ZNF143: variants seen among roughly 807,000 people sequenced by gnomAD.
The protein encoded by ZNF143 is SPH-binding factor.
In ZNF143, 49 loss-of-function variants were observed where a neutral mutation model predicts 74.1. The ratio of observed to expected loss-of-function variants is 0.66; its 90% CI spans 0.53 to 0.84. The LOEUF (loss-of-function observed/expected upper bound fraction) is 0.84, where lower values mean the gene tolerates loss of function less well. Ranked by LOEUF, ZNF143 falls within the 40% of genes least tolerant of loss-of-function variation. The pLI, the probability that ZNF143 is intolerant of heterozygous loss-of-function variation, is 0.00. For synonymous variants in ZNF143, 304 were observed against 282.8 expected (o/e 1.07, Z -0.75); for missense variants, 637 against 793.4 (o/e 0.80, Z 2.37).
intron 11 of ZNF143, among the ~76,000 whole-genome samples, chr11:9,503,202 G>A (rs969117405): frequency 1.3e-5 from 2 of 151,852 alleles, no homozygotes; most frequent in Non-Finnish European, 2.9e-5. Flanking sequence ...TAACTGAATA[G>A]TATTTCATTA....
chr11:9,508,986 G>A (rs914335683), intron 12 of ZNF143, 140 bp downstream of exon 12: 1 of 929,018 alleles, frequency 1.1e-6, no homozygotes, highest in African/African-American at 1.7e-5. Flanking sequence ...GCTGCAGTAA[G>A]TGCTATTGAA....
chr11:9,503,111 A>G (rs1848227779), intron 11 of ZNF143, among the ~76,000 whole-genome samples: 2 of 152,164 alleles, frequency 1.3e-5, no homozygotes, highest in Admixed American at 6.6e-5. Flanking sequence ...GATTACAGAC[A>G]TGAGCCACCG....
At chr11:9,510,044 C>A (rs1589932901) in intron 12 of ZNF143, among the ~76,000 whole-genome samples, 1 of 151,872 alleles carries the variant, frequency 6.6e-6, no homozygotes, top group Non-Finnish European at 1.5e-5. Flanking sequence ...CTTAAGTTTG[C>A]AAGACTCTTT....
intron 8 of ZNF143, among the ~76,000 whole-genome samples, chr11:9,495,494 A>G (rs889488916): frequency 2.0e-5 from 3 of 152,360 alleles, no homozygotes; most frequent in South Asian, 2.1e-4. Flanking sequence ...ACTTGCTGCT[A>G]TACATAACAG....
intron 14 of ZNF143, among the ~76,000 whole-genome samples, chr11:9,518,247 G>A (rs1485258449): frequency 6.6e-6 from 1 of 152,064 alleles, no homozygotes; most frequent in Non-Finnish European, 1.5e-5. Flanking sequence ...TAAAATCAAA[G>A]ACTAACAAAA....
chr11:9,517,304 GT>G lies in ZNF143; in HGVS notation c.1686+952del, dbSNP rs768984033. Among the ~76,000 whole-genome samples the G allele has an allele frequency of 3.5e-4, 52 of 146,526 alleles. No homozygotes were observed. In the East Asian group the frequency reaches 4.8e-3, roughly 13 times the overall value. On this transcript the variant is annotated intron_variant, in intron 14 of 15. Transcript: ENST00000396602. ...ATTATATAGAGAACTTCCTCATTCT[GT>G]TTTTTTTTTAAGCTGCATTGTATTC...
chr11:9,474,769 T>A, intron 5 of ZNF143, 136 bp downstream of exon 5: 1 of 957,296 alleles, frequency 1.0e-6, no homozygotes, highest in Admixed American at 2.6e-5. Flanking sequence ...GGTGGCAGAT[T>A]TAAGCATGAT....
intron 7 of ZNF143, among the ~76,000 whole-genome samples, chr11:9,483,730 C>CA (rs2133953628): frequency 6.7e-6 from 1 of 149,256 alleles, no homozygotes; most frequent in East Asian, 2.0e-4. Context: ...AGGTGTGAAC[C>CA]AATTTGCCCG....
At chr11:9,523,543 C>CT (rs1324812034) in intron 14 of ZNF143, among the ~76,000 whole-genome samples, 1 of 150,556 alleles carries the variant, frequency 6.6e-6, no homozygotes, top group Non-Finnish European at 1.5e-5. Flanking sequence ...ACCATCCTGG[C>CT]TAACACGGTG....
intron 7 of ZNF143, among the ~76,000 whole-genome samples, chr11:9,486,396 A>ATTATATATAAT: frequency 8.4e-5 from 1 of 11,916 alleles, no homozygotes; most frequent in African/African-American, 2.2e-4. Context: ...TAATATATAT[A>ATTATATATAAT]ATATATTATA....
At chr11:9,522,701 T>C (rs987320182) in intron 14 of ZNF143, among the ~76,000 whole-genome samples, 1 of 151,116 alleles carries the variant, frequency 6.6e-6, no homozygotes, top group African/African-American at 2.4e-5. Flanking sequence ...ACCATGTTGG[T>C]CAGGCTGGTC....
rs139943943 is a variant in ZNF143, at chr11:9,512,557, T to A, written c.1485T>A (p.Ser495Arg). The A allele has an allele frequency of 1.9e-6, 3 of 1,614,092 alleles. No individual in the cohort carries two copies. Among genetic ancestry groups the A allele is most frequent in the African/African-American group, 1.3e-5 (1 of 74,940 alleles). The change falls in exon 13 of 16, where the codon AGT becomes AGA. Residue 495 changes from serine to arginine, a missense_variant. Ser to Arg is a moderately radical substitution (Grantham distance 110). This residue lies in a region of ZNF143 where 344 missense variants were observed against 485.6 expected (regional missense o/e 0.71). Coordinates refer to ENST00000396602, the MANE Select transcript of ZNF143 (RefSeq NM_003442.6). Reference protein sequence around the residue: ...QVATVTQSGLSQQVTLISQDG... With the variant: ...QVATVTQSGLRQQVTLISQDG... ...CCACAGTAACCCAATCTGGACTGAG[T>A]CAACAAGTTACACTCATATCCCAGG... is the stretch of plus-strand genomic sequence containing the variant.
intron 13 of ZNF143, among the ~76,000 whole-genome samples, chr11:9,514,593 C>G (rs1848660470): frequency 6.6e-6 from 1 of 152,154 alleles, no homozygotes; most frequent in Admixed American, 6.5e-5. Flanking sequence ...ATTTTTCTTC[C>G]TAAAGTAATC....
At chr11:9,472,914 C>CTTTTTTTTTTTTT (rs35668857) in intron 3 of ZNF143, 145 bp downstream of exon 3, 1 of 312,872 alleles carries the variant, frequency 3.2e-6, no homozygotes, top group Non-Finnish European at 5.6e-6. Flanking sequence ...CAGTTTAATT[C>CTTTTTTTTTTTTT]TTTTTTTTTT....
At chr11:9,489,629 ATTCAGAT>A (rs1847694174) in intron 7 of ZNF143, among the ~76,000 whole-genome samples, 1 of 152,210 alleles carries the variant, frequency 6.6e-6, no homozygotes, top group African/African-American at 2.4e-5. Context: ...AACAGAAAAG[ATTCAGAT>A]ATGAGTCTCT....
intron 13 of ZNF143, 132 bp downstream of exon 13, chr11:9,512,728 T>A: frequency 9.7e-7 from 1 of 1,034,946 alleles, no homozygotes; most frequent in Non-Finnish European, 1.4e-6. Context: ...GGTTTTTCAG[T>A]AGTCTGCTTA....
Position 9,527,536 on chromosome 11 carries a change from G to C in ZNF143, c.1840G>C (p.Glu614Gln), listed in dbSNP as rs1443907296. The change falls in exon 16 of 16, where the codon GAA becomes CAA. Residue 614 changes from glutamate to glutamine, a missense_variant. Around this residue, in one of 2 missense-constraint regions of ZNF143, gnomAD observed 344 missense variants for 485.6 expected, o/e 0.71. Transcript: ENST00000396602. ...GTGTGTGTTCCTGTTTCAGCTTGGA[G>C]AACAGCCATCTCTGGAAGAAGCCAT... ...NGTQIAVQLG[E>Q]QPSLEEAIRI... 2 of 1,613,710 alleles carry C rather than the reference G, an allele frequency of 1.2e-6. No homozygotes were observed. Among genetic ancestry groups the C allele is most frequent in the Non-Finnish European group, 1.7e-6 (2 of 1,179,890 alleles).
chr11:9,487,593 A>G (rs545058017), intron 7 of ZNF143, among the ~76,000 whole-genome samples: 3 of 151,130 alleles, frequency 2.0e-5, no homozygotes, highest in Admixed American at 2.0e-4. Flanking sequence ...TCCTGACCTC[A>G]TGATCCGCCT....
At chr11:9,493,999 A>C (rs1305226577) in intron 7 of ZNF143, among the ~76,000 whole-genome samples, 1 of 152,116 alleles carries the variant, frequency 6.6e-6, no homozygotes, top group African/African-American at 2.4e-5. Context: ...CACAGGTTCT[A>C]AAAAAAGGCA....
Sources: gnomAD v4.1 joint callset for allele counts (sites outside exome capture counted in the v4.1 genomes callset) on GRCh38, gnomAD v4.1.1 for gene constraint, gnomAD v4.1.1 regional missense constraint, MANE v1.5 for transcripts, NCBI Gene and HGNC (gene_info 2026-07-23, HGNC 2026-07-21) for gene names.